HS3ST2: variants seen among roughly 807,000 people sequenced by gnomAD.
The protein encoded by HS3ST2 is heparan sulfate glucosamine 3-O-sulfotransferase 2.
In HS3ST2, 17 loss-of-function variants were observed where a neutral mutation model predicts 26.3. The observed-to-expected ratio is 0.65, with a 90% confidence interval of 0.44 to 0.97. The LOEUF (loss-of-function observed/expected upper bound fraction) is 0.97, where lower values mean the gene tolerates loss of function less well. Among genes scored for constraint, HS3ST2 ranks in the 50% least tolerant of loss-of-function variants. The pLI is 0.00. For missense variants in HS3ST2, 402 were observed against 501.2 expected (o/e 0.80, Z 1.89); for synonymous variants, 237 against 219.2 (o/e 1.08, Z -0.72).
chr16:22,850,208 G>T (rs1358194690), intron 1 of HS3ST2, among the ~76,000 whole-genome samples: 1 of 150,864 alleles, frequency 6.6e-6, no homozygotes, highest in Non-Finnish European at 1.5e-5. Context: ...GGAAAGGGTG[G>T]TTCCCTCCAA....
At chr16:22,884,092 G>T (rs1306725538) in intron 1 of HS3ST2, among the ~76,000 whole-genome samples, 2 of 152,206 alleles carry the variant, frequency 1.3e-5, no homozygotes, top group African/African-American at 4.8e-5. Context: ...GGTCAAGAAA[G>T]GCATTGAGCT....
At chr16:22,863,242 C>G (rs112425696) in intron 1 of HS3ST2, among the ~76,000 whole-genome samples, 375 of 152,284 alleles carry the variant, frequency 2.5e-3, no homozygotes, top group African/African-American at 7.9e-3. Context: ...TTGTTCCTGC[C>G]TTGGGGCCAT....
rs552699499 is a variant in HS3ST2, at chr16:22,831,444, C to T, written c.485+16349C>T. On this transcript the variant is annotated intron_variant, in intron 1 of 1. Transcript: ENST00000261374. ...GGATGGGGCATCATGGGAAAGCAAGCGCAGACATGAAGAACTGGAGGAAAA... is the reference window on the plus strand; with the variant it reads ...GGATGGGGCATCATGGGAAAGCAAGTGCAGACATGAAGAACTGGAGGAAAA... 9.2e-5 allele frequency among the ~76,000 whole-genome samples: 14 copies of T among 152,254 alleles called. No homozygotes were observed. In the South Asian group the frequency reaches 2.3e-3, roughly 25 times the overall value.
At chr16:22,912,179 T>C (rs1192098413) in intron 1 of HS3ST2, among the ~76,000 whole-genome samples, 3 of 152,168 alleles carry the variant, frequency 2.0e-5, no homozygotes, top group Non-Finnish European at 2.9e-5. Flanking sequence ...ACATATCTTT[T>C]GGAAGGTCAC....
chr16:22,913,048 A>G (rs1902442604), intron 1 of HS3ST2, among the ~76,000 whole-genome samples: 1 of 151,762 alleles, frequency 6.6e-6, no homozygotes, highest in Non-Finnish European at 1.5e-5. Flanking sequence ...CCTTCCCTGA[A>G]TATTTTGAAT....
At chr16:22,896,605 C>T (rs1233406698) in intron 1 of HS3ST2, among the ~76,000 whole-genome samples, 2 of 152,190 alleles carry the variant, frequency 1.3e-5, no homozygotes, top group Admixed American at 6.5e-5. Context: ...GATCAGGCTC[C>T]GGTTTGTTCT....
chr16:22,830,525 G>T (rs1237547799), intron 1 of HS3ST2, among the ~76,000 whole-genome samples: 1 of 152,186 alleles, frequency 6.6e-6, no homozygotes, highest in Non-Finnish European at 1.5e-5. Flanking sequence ...GCTGGAGAAT[G>T]AATACCTGCC....
intron 1 of HS3ST2, among the ~76,000 whole-genome samples, chr16:22,866,619 GGCAAGACCCCGTCTCTACAAAAT>G (rs1901757031): frequency 1.3e-5 from 2 of 151,872 alleles, no homozygotes; most frequent in Admixed American, 6.6e-5. Flanking sequence ...AGGGCAACAT[GGCAAGACCCCGTCTCTACAAAAT>G]GCAGAAAAAT....
intron 1 of HS3ST2, among the ~76,000 whole-genome samples, chr16:22,898,277 G>C (rs1284611551): frequency 1.3e-5 from 2 of 152,172 alleles, no homozygotes; most frequent in Non-Finnish European, 2.9e-5. Flanking sequence ...ATTACAGGTT[G>C]TGCTTAGAAT....
chr16:22,837,240 C>G (rs1901270936), intron 1 of HS3ST2, among the ~76,000 whole-genome samples: 1 of 151,660 alleles, frequency 6.6e-6, no homozygotes, highest in Non-Finnish European at 1.5e-5. Context: ...TTTACCTGCT[C>G]TACACGTCAT....
intron 1 of HS3ST2, among the ~76,000 whole-genome samples, chr16:22,854,310 GTTAGAACTT>G (rs1423023787): frequency 1.3e-5 from 2 of 152,134 alleles, no homozygotes; most frequent in Non-Finnish European, 2.9e-5. Flanking sequence ...TTTCCTTGAA[GTTAGAACTT>G]TGCCAGGATA....
chr16:22,915,168 C>T lies in HS3ST2; in HGVS notation c.710C>T (p.Thr237Ile). 6.2e-7 allele frequency: 1 copy of T among 1,614,134 alleles called. No homozygotes were observed. Among genetic ancestry groups the T allele is most frequent in the Non-Finnish European group, 8.5e-7 (1 of 1,180,028 alleles). ...TFEGLSFRNRTLGLVDVSWNA... is the reference protein window; with the variant it reads ...TFEGLSFRNRILGLVDVSWNA... ...GAGGGCCTCTCCTTCCGCAACCGCA[C>T]CCTGGGCCTGGTGGACGTGTCATGG... Residue 237 changes from threonine to isoleucine, a missense_variant, in exon 2 of 2, where the codon ACC (threonine) becomes ATC (isoleucine). By Grantham distance (89) the Thr-to-Ile change is moderately conservative. Coordinates refer to ENST00000261374, the MANE Select transcript of HS3ST2 (RefSeq NM_006043.2).
intron 1 of HS3ST2, among the ~76,000 whole-genome samples, chr16:22,894,046 C>T (rs955937328): frequency 2.2e-4 from 33 of 152,248 alleles, no homozygotes; most frequent in African/African-American, 7.9e-4. Flanking sequence ...GTCTTGAACT[C>T]CTGGGCTCAA....
chr16:22,888,066 G>A (rs901709984), intron 1 of HS3ST2, among the ~76,000 whole-genome samples: 1 of 152,200 alleles, frequency 6.6e-6, no homozygotes, highest in African/African-American at 2.4e-5. Context: ...CTCCCAGTGG[G>A]ACCAAGCCTC....
chr16:22,857,139 T>TA (rs971402741), intron 1 of HS3ST2, among the ~76,000 whole-genome samples: 15 of 152,134 alleles, frequency 9.9e-5, no homozygotes, highest in Middle Eastern at 6.8e-3. Flanking sequence ...GACACCTCGT[T>TA]AAAAAAAATC....
chr16:22,842,654 T>C (rs1596611113), intron 1 of HS3ST2, among the ~76,000 whole-genome samples: 1 of 152,290 alleles, frequency 6.6e-6, no homozygotes, highest in East Asian at 1.9e-4. Context: ...TCAGCCATCA[T>C]CTTTTTGCTT....
At chr16:22,890,796 T>C (rs1371375669) in intron 1 of HS3ST2, among the ~76,000 whole-genome samples, 1 of 152,310 alleles carries the variant, frequency 6.6e-6, no homozygotes, top group South Asian at 2.1e-4. Flanking sequence ...ACCACCAAAC[T>C]CTTGGGCCTT....
At chr16:22,893,470 T>C (rs1027369902) in intron 1 of HS3ST2, among the ~76,000 whole-genome samples, 1 of 152,198 alleles carries the variant, frequency 6.6e-6, no homozygotes, top group African/African-American at 2.4e-5. Context: ...GCTTTTGTCC[T>C]TAATGAGTAA....
In HS3ST2 at chr16:22,814,604, T is replaced by G. The variant is rs1900824427; in HGVS notation, c.-7T>G. On this transcript the variant is annotated 5_prime_UTR_variant, in exon 1 of 2. It removes an upstream start codon present in the reference 5' UTR. Transcript: ENST00000261374. ...AACCATGACCCCCGGCGCGGGCCCA[T>G]GGAGCCATGGCCTATAGGGTCCTGG... is the stretch of plus-strand genomic sequence containing the variant. The G allele has an allele frequency of 4.6e-6, 7 of 1,523,486 alleles. No individual in the cohort carries two copies. The highest frequency in any genetic ancestry group is 6.1e-6 in the Non-Finnish European group (7 of 1,138,364). The allele number at this position is 1,523,486 out of a possible 1,614,324, so 94.4% of individuals were successfully genotyped here.
Sources: allele counts gnomAD v4.1 joint callset (sites outside exome capture counted in the v4.1 genomes callset), GRCh38; gene constraint gnomAD v4.1.1; transcripts MANE v1.5; gene names NCBI Gene and HGNC (gene_info 2026-07-23, HGNC 2026-07-21).